Variants in MEIOSIN observed in about 807,000 individuals in gnomAD.
MEIOSIN encodes the protein meiosis initiator protein.
MEIOSIN carries 18 observed loss-of-function variants against 23.4 expected under a neutral mutation model. The observed-to-expected ratio is 0.77, with a 90% confidence interval of 0.53 to 1.14. The LOEUF (loss-of-function observed/expected upper bound fraction) is 1.14, where lower values mean the gene tolerates loss of function less well. Ranked by LOEUF, MEIOSIN falls within the 50% of genes most tolerant of loss-of-function variation. The pLI is 0.00. For synonymous variants in MEIOSIN, 187 were observed against 100.6 expected (o/e 1.86, Z -5.14); for missense variants, 428 against 242.9 (o/e 1.76, Z -5.07).
At chr19:45,739,790 TC>T in intron 3 of MEIOSIN, 60 bp downstream of exon 3, 1 of 702,198 alleles carries the variant, frequency 1.4e-6, no homozygotes, top group East Asian at 2.7e-5. Context: ...AGCCCATTGT[TC>T]AACACCTCTT....
intron 7 of MEIOSIN, 31 bp from the exon 8 acceptor site, chr19:45,755,939 C>G (rs1236308128): frequency 2.9e-6 from 2 of 698,366 alleles, no homozygotes; most frequent in African/African-American, 3.5e-5. Flanking sequence ...GGTCCAGTCC[C>G]CAGGCATGGT....
At chr19:45,761,250 G>A (rs1259605388) in intron 11 of MEIOSIN, among the ~76,000 whole-genome samples, 5 of 151,156 alleles carry the variant, frequency 3.3e-5, no homozygotes, top group African/African-American at 9.7e-5. Context: ...TCAGCCTCCA[G>A]AGTAGCTGGG....
chr19:45,754,591 C>G lies in MEIOSIN; in HGVS notation c.669C>G (p.Thr223=), dbSNP rs2146193037. The change falls in exon 7 of 15, where the codon ACC becomes ACG. Residue 223 remains threonine, a synonymous_variant. Coordinates refer to ENST00000457052, the MANE Select transcript of MEIOSIN (RefSeq NM_001310124.2). ...QKGSGTGGTT[T]PPRCPDSCGH... is the part of the protein sequence containing the mutation. The stretch of plus-strand genomic sequence containing the variant: ...GAAGTGGCACAGGGGGGACCACTAC[C>G]CCTCCAAGGTGCCCTGACTCCTGCG... The G allele has an allele frequency of 2.8e-6, 2 of 703,048 alleles. No individual in the cohort carries two copies. Among genetic ancestry groups the G allele is most frequent in the Non-Finnish European group, 5.2e-6 (2 of 385,022 alleles). The allele number at this position is 703,048 out of a possible 1,614,324, so 43.6% of individuals were successfully genotyped here. A position where few individuals can be genotyped will look rare whatever the true frequency, so the allele number is the denominator to read the frequency against.
At chr19:45,736,555 G>T (rs984681448) in intron 2 of MEIOSIN, among the ~76,000 whole-genome samples, 1 of 151,410 alleles carries the variant, frequency 6.6e-6, no homozygotes, top group African/African-American at 2.4e-5. Context: ...TTTTAGTAGA[G>T]ACAGGGTCTC....
intron 1 of MEIOSIN, among the ~76,000 whole-genome samples, chr19:45,734,271 A>C (rs1397648406): frequency 6.6e-6 from 1 of 151,848 alleles, no homozygotes; most frequent in Non-Finnish European, 1.5e-5. Context: ...TCTCAGTTTT[A>C]GGGTTGGGGC....
intron 2 of MEIOSIN, among the ~76,000 whole-genome samples, chr19:45,738,035 C>A (rs921267438): frequency 6.6e-6 from 1 of 152,068 alleles, no homozygotes. Flanking sequence ...GGATTACAGG[C>A]GTGAGCCACC....
chr19:45,749,046 G>C (rs1187886858), intron 4 of MEIOSIN, among the ~76,000 whole-genome samples: 1 of 148,404 alleles, frequency 6.7e-6, no homozygotes, highest in Non-Finnish European at 1.5e-5. Flanking sequence ...TTCAGACTGG[G>C]CAACAGACCG....
Position 45,733,996 on chromosome 19 carries a change from G to A in MEIOSIN, c.-1+330G>A, listed in dbSNP as rs1266401641. On this transcript the variant is annotated intron_variant, in intron 1 of 14. Transcript: ENST00000457052. The surrounding 1 kb of genome is among the most constrained non-coding windows in gnomAD (Gnocchi z 5.7). ...TTTGTGACTGGAAGCTTTCTCCTTG[G>A]AATCCAGAGATCCCAATTTGGGGAT... Among the ~76,000 whole-genome samples the A allele has an allele frequency of 6.6e-6, 1 of 152,132 alleles. No homozygotes were observed. Among genetic ancestry groups the A allele is most frequent in the Non-Finnish European group, 1.5e-5 (1 of 68,036 alleles).
At chr19:45,760,939 G>GA (rs1448748492) in intron 11 of MEIOSIN, among the ~76,000 whole-genome samples, 1 of 145,244 alleles carries the variant, frequency 6.9e-6, no homozygotes, top group Admixed American at 7.0e-5. Flanking sequence ...AAAAAAAAAA[G>GA]AAAGAAAAGA....
intron 7 of MEIOSIN, among the ~76,000 whole-genome samples, chr19:45,755,419 G>A (rs1421627770): frequency 6.6e-6 from 1 of 150,942 alleles, no homozygotes; most frequent in Non-Finnish European, 1.5e-5. Flanking sequence ...AAAGTGCTGG[G>A]ATTACAGGTG....
At chr19:45,754,435 G>A in intron 6 of MEIOSIN, 44 bp from the exon 7 acceptor site, 1 of 678,266 alleles carries the variant, frequency 1.5e-6, no homozygotes, top group Non-Finnish European at 2.7e-6. Flanking sequence ...TGACAGGCAG[G>A]TGACTCCCAG....
intron 4 of MEIOSIN, among the ~76,000 whole-genome samples, chr19:45,747,676 C>A (rs993421405): frequency 1.3e-5 from 2 of 152,210 alleles, no homozygotes; most frequent in African/African-American, 4.8e-5. Flanking sequence ...AACTCTCCCA[C>A]AAGGCTTGTG....
At chr19:45,739,511 C>T in intron 2 of MEIOSIN, 115 bp from the exon 3 acceptor site, 1 of 656,742 alleles carries the variant, frequency 1.5e-6, no homozygotes, top group South Asian at 1.7e-5. Flanking sequence ...CTATATCTTG[C>T]CAACTCCATA....
In MEIOSIN at chr19:45,758,972, C is replaced by G. The variant is rs1968890561; in HGVS notation, c.1107C>G (p.Ser369Arg). The change falls in exon 10 of 15, where the codon AGC (serine) becomes AGG (arginine). Residue 369 changes from serine to arginine, a missense_variant. Ser to Arg is a moderately radical substitution (Grantham distance 110). Coordinates refer to ENST00000457052, the MANE Select transcript of MEIOSIN (RefSeq NM_001310124.2). Reference sequence around the variant, plus strand: ...TCGGGCTCAGCCCTAGCCTTTTCAGCTCCCCAGGGAAACTGCTGCCAGACG... The same window carrying G: ...TCGGGCTCAGCCCTAGCCTTTTCAGGTCCCCAGGGAAACTGCTGCCAGACG... ...EILGLSPSLF[S>R]SPGKLLPDEI... 2 of 703,010 alleles carry G rather than the reference C, an allele frequency of 2.8e-6. No individual in the cohort carries two copies. Among genetic ancestry groups the G allele is most frequent in the Non-Finnish European group, 5.2e-6 (2 of 385,038 alleles). The allele number at this position is 703,010 out of a possible 1,614,324, so 43.5% of individuals were successfully genotyped here. A position where few individuals can be genotyped will look rare whatever the true frequency, so the allele number is the denominator to read the frequency against.
chr19:45,740,881 T>C (rs947919329), intron 3 of MEIOSIN, among the ~76,000 whole-genome samples: 10 of 152,010 alleles, frequency 6.6e-5, no homozygotes, highest in African/African-American at 2.2e-4. Context: ...TATGCCACTT[T>C]AGAAGTCTGA....
intron 1 of MEIOSIN, 40 bp from the exon 2 acceptor site, chr19:45,735,337 A>G (rs1454539837): frequency 2.9e-6 from 2 of 701,226 alleles, no homozygotes; most frequent in East Asian, 5.4e-5. Context: ...CCTTCCTGCA[A>G]TCCCAGAGGT....
intron 4 of MEIOSIN, among the ~76,000 whole-genome samples, chr19:45,748,608 G>T (rs950921813): frequency 4.6e-5 from 7 of 152,158 alleles, no homozygotes; most frequent in Non-Finnish European, 1.0e-4. Flanking sequence ...AATTACTGAG[G>T]CATCTGTCTT....
At chr19:45,746,818 C>A (rs1353292523) in intron 4 of MEIOSIN, among the ~76,000 whole-genome samples, 1 of 148,642 alleles carries the variant, frequency 6.7e-6, no homozygotes, top group Non-Finnish European at 1.5e-5. Context: ...AAGACTCTGT[C>A]TCAAAAGAAA....
intron 1 of MEIOSIN, among the ~76,000 whole-genome samples, chr19:45,734,540 G>A (rs761268006): frequency 2.0e-5 from 3 of 151,300 alleles, no homozygotes; most frequent in Non-Finnish European, 2.9e-5. Flanking sequence ...GTCTCACTTT[G>A]TCATCCAGGC....
Sources: gnomAD v4.1 joint callset for allele counts (sites outside exome capture counted in the v4.1 genomes callset) on GRCh38, gnomAD v4.1.1 for gene constraint, Gnocchi (gnomAD v3.1) non-coding constraint, MANE v1.5 for transcripts, NCBI Gene and HGNC (gene_info 2026-07-23, HGNC 2026-07-21) for gene names.